The following NELL1 variants were observed in gnomAD, a reference collection of about 807,000 sequenced individuals.
The protein encoded by NELL1 is neural EGFL like 1.
NELL1 carries 76 observed loss-of-function variants against 107.4 expected under a neutral mutation model. The ratio of observed to expected loss-of-function variants is 0.71; its 90% CI spans 0.59 to 0.86. NELL1 has a LOEUF of 0.86. Among genes scored for constraint, NELL1 ranks in the 40% least tolerant of loss-of-function variants. The pLI, the probability that NELL1 is intolerant of heterozygous loss-of-function variation, is 0.00. For missense variants in NELL1, 1,024 were observed against 1,005.5 expected, an observed-to-expected ratio of 1.02 and a Z score of -0.25; for synonymous variants, 353 against 341.2, an observed-to-expected ratio of 1.03 and a Z score of -0.38.
At chr11:20,681,797 T>G (rs1854195812) in intron 2 of NELL1, among the ~76,000 whole-genome samples, 1 of 152,110 alleles carries the variant, frequency 6.6e-6, no homozygotes, top group African/African-American at 2.4e-5. Context: ...GAATATTCAT[T>G]CAGTTCATTG....
chr11:21,500,726 G>A (rs1238203077), intron 15 of NELL1, among the ~76,000 whole-genome samples: 1 of 152,052 alleles, frequency 6.6e-6, no homozygotes, highest in Non-Finnish European at 1.5e-5. Context: ...GTGTAGTTGA[G>A]AGATTGTATT....
chr11:21,272,411 C>T lies in NELL1; in HGVS notation c.1549+42957C>T, dbSNP rs542742714. Among the ~76,000 whole-genome samples, 8 of 152,274 alleles carry T rather than the reference C, an allele frequency of 5.3e-5. No homozygotes were observed. In the South Asian group the frequency reaches 1.0e-3, roughly 20 times the overall value. ...AGATAAACAAAGCAGCTGGGAAGCT[C>T]GAACTGGGTGGAGCCCACCGCAGCT... On this transcript the variant is annotated intron_variant, in intron 14 of 19. Coordinates refer to ENST00000357134, the MANE Select transcript of NELL1 (RefSeq NM_006157.5).
intron 14 of NELL1, among the ~76,000 whole-genome samples, chr11:21,365,749 A>G (rs1384776720): frequency 2.0e-5 from 3 of 151,818 alleles, no homozygotes. Flanking sequence ...TTTTATATTC[A>G]ACTGGCCATG....
Position 21,124,117 on chromosome 11 carries a change from ACT to A in NELL1, c.1426+10406_1426+10407del, listed in dbSNP as rs946019434. ...GTTAAACATGATACTTTTTCTTTAT[ACT>A]CTATATATTTTCTAAATTTTCTGTA... On this transcript the variant is annotated intron_variant, in intron 13 of 19. Coordinates refer to ENST00000357134, the MANE Select transcript of NELL1 (RefSeq NM_006157.5). Among the ~76,000 whole-genome samples, 5 of 152,258 alleles carry A rather than the reference ACT, an allele frequency of 3.3e-5. No homozygotes were observed. In the East Asian group the frequency reaches 9.7e-4, roughly 29 times the overall value.
At position 20,702,688 on chromosome 11, in the gene NELL1, A is replaced by G. The variant is rs183567036; in HGVS notation, c.184+24628A>G. ...TATTATTTTGAGATACGTCCCATCA[A>G]TACCTAATTTATTGAGAGATTTTAG... is the stretch of plus-strand genomic sequence containing the variant. On this transcript the variant is annotated intron_variant, in intron 2 of 19. Transcript: ENST00000357134. Among the ~76,000 whole-genome samples, 260 of 152,332 alleles carry G rather than the reference A, an allele frequency of 1.7e-3. 1 individual carries two copies. Among genetic ancestry groups the G allele is most frequent in the Non-Finnish European group, 1.5e-3 (100 of 68,036 alleles).
At chr11:20,841,424 G>A (rs1435751572) in intron 3 of NELL1, among the ~76,000 whole-genome samples, 1 of 151,720 alleles carries the variant, frequency 6.6e-6, no homozygotes, top group Non-Finnish European at 1.5e-5. Context: ...GGGAGAAGGC[G>A]GGGTATAGAT....
At chr11:21,353,720 T>C (rs1850867913) in intron 14 of NELL1, among the ~76,000 whole-genome samples, 1 of 152,170 alleles carries the variant, frequency 6.6e-6, no homozygotes, top group African/African-American at 2.4e-5. Context: ...GTCGAATATA[T>C]GCTTTTGAAT....
chr11:21,512,809 A>G (rs1221362078), intron 15 of NELL1, among the ~76,000 whole-genome samples: 1 of 152,048 alleles, frequency 6.6e-6, no homozygotes, highest in African/African-American at 2.4e-5. Flanking sequence ...CTACATGACT[A>G]GAAAAAAAAA....
At chr11:21,425,963 A>G (rs964575874) in intron 15 of NELL1, among the ~76,000 whole-genome samples, 1 of 152,196 alleles carries the variant, frequency 6.6e-6, no homozygotes, top group African/African-American at 2.4e-5. Context: ...TGCCAAGAAA[A>G]TGTAGCTAAA....
chr11:21,089,021 A>T (rs1854463387), intron 12 of NELL1, among the ~76,000 whole-genome samples: 1 of 152,218 alleles, frequency 6.6e-6, no homozygotes, highest in South Asian at 2.1e-4. Context: ...AGTATTAGAC[A>T]TAAAAAAGAG....
intron 15 of NELL1, among the ~76,000 whole-genome samples, chr11:21,504,573 A>G (rs542085409): frequency 2.6e-5 from 4 of 152,208 alleles, no homozygotes; most frequent in East Asian, 3.9e-4. Context: ...GCTTACCACA[A>G]TTTACCTATA....
At chr11:21,549,732 AG>A (rs2133988143) in intron 16 of NELL1, among the ~76,000 whole-genome samples, 1 of 152,016 alleles carries the variant, frequency 6.6e-6, no homozygotes, top group African/African-American at 2.4e-5. Context: ...GTGGCATTAA[AG>A]ATACCAGCAG....
intron 12 of NELL1, among the ~76,000 whole-genome samples, chr11:21,075,070 G>A (rs1386512450): frequency 6.6e-6 from 1 of 152,172 alleles, no homozygotes; most frequent in East Asian, 1.9e-4. Flanking sequence ...TCTTTCCTGT[G>A]TAGGGCTCAT....
chr11:21,276,510 C>G (rs1848865516), intron 14 of NELL1, among the ~76,000 whole-genome samples: 1 of 152,138 alleles, frequency 6.6e-6, no homozygotes, highest in Admixed American at 6.5e-5. Flanking sequence ...CACCATCAAG[C>G]TACCAATGAC....
chr11:21,157,511 T>C (rs918618999), intron 13 of NELL1, among the ~76,000 whole-genome samples: 3 of 152,188 alleles, frequency 2.0e-5, no homozygotes, highest in Non-Finnish European at 4.4e-5. Flanking sequence ...CACGCACTTA[T>C]CTTTATAATT....
chr11:21,118,597 A>G (rs963513670), intron 13 of NELL1, among the ~76,000 whole-genome samples: 1 of 152,068 alleles, frequency 6.6e-6, no homozygotes, highest in African/African-American at 2.4e-5. Context: ...CAAATGTTTC[A>G]TTGCCAGATG....
At chr11:21,505,322 G>A (rs1030810257) in intron 15 of NELL1, among the ~76,000 whole-genome samples, 2 of 152,070 alleles carry the variant, frequency 1.3e-5, no homozygotes, top group Non-Finnish European at 2.9e-5. Context: ...ACATGGAATA[G>A]AGGAACACAT....
At chr11:20,958,722 T>G (rs529749186) in intron 11 of NELL1, among the ~76,000 whole-genome samples, 202 of 152,294 alleles carry the variant, frequency 1.3e-3, no homozygotes, top group Non-Finnish European at 2.5e-3. Context: ...GAAAAATTTC[T>G]TGGAAGAAGT....
chr11:21,231,050 G>A (rs1858035655), intron 14 of NELL1, among the ~76,000 whole-genome samples: 1 of 152,084 alleles, frequency 6.6e-6, no homozygotes, highest in Non-Finnish European at 1.5e-5. Context: ...ATTTTATAGA[G>A]CAGAATGCTA....
Sources: allele counts gnomAD v4.1 joint callset (sites outside exome capture counted in the v4.1 genomes callset), GRCh38; gene constraint gnomAD v4.1.1; transcripts MANE v1.5; gene names NCBI Gene and HGNC (gene_info 2026-07-23, HGNC 2026-07-21).